The following MCC variants were observed in gnomAD, a reference collection of about 807,000 sequenced individuals.
MCC encodes MCC regulator of Wnt signaling pathway.
MCC carries 90 observed loss-of-function variants against 116.2 expected under a neutral mutation model. The observed-to-expected ratio is 0.77, with a 90% CI of 0.65 to 0.92. The LOEUF (loss-of-function observed/expected upper bound fraction) is 0.92, where lower values mean the gene tolerates loss of function less well. MCC is among the 40% of genes least tolerant of loss of function. The pLI, the probability that MCC is intolerant of heterozygous loss-of-function variation, is 0.00. For missense variants in MCC, 1,516 were observed against 1,312.2 expected, an observed-to-expected ratio of 1.16 and a Z score of -2.40; for synonymous variants, 578 against 510.5, an observed-to-expected ratio of 1.13 and a Z score of -1.78.
intron 10 of MCC, among the ~76,000 whole-genome samples, chr5:113,083,442 T>C (rs898557159): frequency 6.6e-6 from 1 of 152,228 alleles, no homozygotes. Flanking sequence ...TCTGAATGCA[T>C]GCATTTTTGC....
intron 16 of MCC, among the ~76,000 whole-genome samples, chr5:113,047,649 C>A (rs1580920081): frequency 6.6e-6 from 1 of 152,244 alleles, no homozygotes; most frequent in East Asian, 1.9e-4. Context: ...TCTGCGAGTC[C>A]TGGGTCTGAA....
intron 1 of MCC, among the ~76,000 whole-genome samples, chr5:113,426,749 A>G (rs941142628): frequency 6.6e-6 from 1 of 152,208 alleles, no homozygotes. Context: ...AAATAAAATA[A>G]CTAAACACAT....
intron 3 of MCC, among the ~76,000 whole-genome samples, chr5:113,303,440 C>G (rs1349735287): frequency 1.3e-5 from 2 of 152,148 alleles, no homozygotes; most frequent in Non-Finnish European, 2.9e-5. Flanking sequence ...CAGAGAAGAA[C>G]AGAAAAACTG....
At chr5:113,098,794 G>A (rs1756208819) in intron 8 of MCC, among the ~76,000 whole-genome samples, 1 of 152,070 alleles carries the variant, frequency 6.6e-6, no homozygotes, top group Non-Finnish European at 1.5e-5. Flanking sequence ...CAATGAATGT[G>A]GGCAAAGAAA....
chr5:113,209,413 G>C (rs758628632), intron 3 of MCC, among the ~76,000 whole-genome samples: 1 of 152,150 alleles, frequency 6.6e-6, no homozygotes, highest in Non-Finnish European at 1.5e-5. Context: ...GGTGCCGATG[G>C]CAATTCCACT....
At chr5:113,169,375 TCCTGCACCCA>T (rs1409680674) in intron 3 of MCC, among the ~76,000 whole-genome samples, 7 of 152,110 alleles carry the variant, frequency 4.6e-5, no homozygotes, top group African/African-American at 1.7e-4. Context: ...GCAGGACCAT[TCCTGCACCCA>T]AATGTGTCAA....
chr5:113,349,383 T>C (rs1265233846), intron 2 of MCC, among the ~76,000 whole-genome samples: 1 of 152,148 alleles, frequency 6.6e-6, no homozygotes, highest in East Asian at 1.9e-4. Context: ...GAAGCAAGGA[T>C]GGTTCAACAT....
chr5:113,319,416 C>CT (rs1319482746), intron 3 of MCC, among the ~76,000 whole-genome samples: 2 of 152,142 alleles, frequency 1.3e-5, no homozygotes, highest in Non-Finnish European at 2.9e-5. Context: ...GAATTCTATT[C>CT]TTGTCGTATG....
chr5:113,067,207 G>A (rs978272293), intron 13 of MCC, among the ~76,000 whole-genome samples: 10 of 148,264 alleles, frequency 6.7e-5, no homozygotes, highest in Non-Finnish European at 1.5e-4. Flanking sequence ...GGCCAACAGG[G>A]CACAGGATCC....
chr5:113,046,710 A>AAAAAAAAAAAAAAAAGAG, intron 16 of MCC, among the ~76,000 whole-genome samples: 11 of 102,462 alleles, frequency 1.1e-4, no homozygotes, highest in African/African-American at 3.2e-4. Flanking sequence ...AAAAAAAAAA[A>AAAAAAAAAAAAAAAAGAG]AGAGAGAGAT....
intron 16 of MCC, among the ~76,000 whole-genome samples, chr5:113,046,710 A>AAAAAAAAAAAAAAAAAAGAG: frequency 3.9e-5 from 4 of 102,462 alleles, no homozygotes; most frequent in African/African-American, 1.2e-4. Flanking sequence ...AAAAAAAAAA[A>AAAAAAAAAAAAAAAAAAGAG]AGAGAGAGAT....
At chr5:113,387,131 T>C (rs932168356) in intron 1 of MCC, among the ~76,000 whole-genome samples, 2 of 152,144 alleles carry the variant, frequency 1.3e-5, no homozygotes, top group Admixed American at 1.3e-4. Context: ...GTAGCCATTA[T>C]CCCTGTATCT....
At chr5:113,116,700 A>C (rs940375283) in intron 6 of MCC, among the ~76,000 whole-genome samples, 2 of 152,212 alleles carry the variant, frequency 1.3e-5, no homozygotes. Context: ...GTAGAACAAT[A>C]ACCTTTCCTG....
In MCC at chr5:113,068,194, G is replaced by A; in HGVS notation, c.1926-11C>T. On this transcript the variant is annotated splice_polypyrimidine_tract_variant and intron_variant, in intron 12 of 18. Coordinates refer to ENST00000408903, the MANE Select transcript of MCC (RefSeq NM_001085377.2). ...TCGATGCACTGCTCGCTGAAACAAA[G>A]CACATGGGGCCTCAGCCCTTGCAGA... 4 of 1,605,420 alleles carry A rather than the reference G, an allele frequency of 2.5e-6. No homozygotes were observed. The highest frequency in any genetic ancestry group is 3.4e-6 in the Non-Finnish European group (4 of 1,172,304).
intron 1 of MCC, among the ~76,000 whole-genome samples, chr5:113,467,811 C>T (rs202024397): frequency 6.6e-6 from 1 of 151,798 alleles, no homozygotes; most frequent in African/African-American, 2.4e-5. Flanking sequence ...TCTTCCTACC[C>T]ATGAGCATGG....
At chr5:113,062,707 A>T (rs1753306463) in intron 14 of MCC, among the ~76,000 whole-genome samples, 1 of 152,238 alleles carries the variant, frequency 6.6e-6, no homozygotes, top group African/African-American at 2.4e-5. Context: ...TCACTGAATG[A>T]GACAATTGTT....
chr5:113,425,177 T>C (rs10063334), intron 1 of MCC, among the ~76,000 whole-genome samples: 45,703 of 151,926 alleles, frequency 0.3, 8,878 homozygotes, highest in African/African-American at 0.54. Flanking sequence ...CAACAGGTCT[T>C]ATAAAAGGAT....
intron 3 of MCC, among the ~76,000 whole-genome samples, chr5:113,187,390 T>G (rs1761944997): frequency 6.6e-6 from 1 of 152,124 alleles, no homozygotes; most frequent in African/African-American, 2.4e-5. Context: ...ATTACAAGTG[T>G]GAGCCACAGC....
chr5:113,407,547 C>G (rs1314236731), intron 1 of MCC, among the ~76,000 whole-genome samples: 3 of 152,220 alleles, frequency 2.0e-5, no homozygotes, highest in African/African-American at 7.2e-5. Context: ...TGCTCCTGTA[C>G]TCACTCCACC....
Sources: allele counts gnomAD v4.1 joint callset (sites outside exome capture counted in the v4.1 genomes callset), GRCh38; gene constraint gnomAD v4.1.1; transcripts MANE v1.5; gene names NCBI Gene and HGNC (gene_info 2026-07-23, HGNC 2026-07-21).